The following ROBO2 variants were observed in gnomAD, a reference collection of about 807,000 sequenced individuals.
ROBO2 encodes roundabout homolog 2.
A neutral mutation model predicts 160.8 loss-of-function variants in ROBO2; 53 were observed. The observed-to-expected ratio is 0.33, with a 90% confidence interval of 0.26 to 0.41. The LOEUF (loss-of-function observed/expected upper bound fraction) is 0.41. ROBO2 is among the 10% of genes least tolerant of loss of function. The pLI, the probability that ROBO2 is intolerant of heterozygous loss-of-function variation, is 1.00. For missense variants in ROBO2, 1,577 were observed against 1,722.4 expected (o/e 0.92, Z 1.49); for synonymous variants, 664 against 611.7 (o/e 1.09, Z -1.26).
At chr3:76,512,127 A>G (rs1159059000) in intron 2 of ROBO2, among the ~76,000 whole-genome samples, 1 of 152,130 alleles carries the variant, frequency 6.6e-6, no homozygotes, top group African/African-American at 2.4e-5. Context: ...AACATTGTTA[A>G]TGAGGCAGAT....
chr3:77,394,255 T>C (rs1167827795), intron 2 of ROBO2, among the ~76,000 whole-genome samples: 3 of 152,180 alleles, frequency 2.0e-5, no homozygotes, highest in Non-Finnish European at 4.4e-5. Context: ...GATGCTTTCA[T>C]GTGAAGACCA....
intron 2 of ROBO2, among the ~76,000 whole-genome samples, chr3:76,482,167 T>G (rs1319011735): frequency 1.3e-5 from 2 of 152,202 alleles, no homozygotes; most frequent in African/African-American, 4.8e-5. Flanking sequence ...AATCACGCTC[T>G]GCAGGTATGC....
At chr3:76,647,901 G>A (rs747444426) in intron 2 of ROBO2, among the ~76,000 whole-genome samples, 2 of 152,138 alleles carry the variant, frequency 1.3e-5, no homozygotes, top group African/African-American at 2.4e-5. Context: ...GAATGAGATT[G>A]TGGATGTGTA....
chr3:76,897,575 G>GA (rs896426253), intron 2 of ROBO2, among the ~76,000 whole-genome samples: 41 of 152,068 alleles, frequency 2.7e-4, no homozygotes, highest in African/African-American at 9.9e-4. Flanking sequence ...AAGTACTAGG[G>GA]AAAAAAAGTA....
intron 2 of ROBO2, among the ~76,000 whole-genome samples, chr3:77,393,563 A>T (rs7427284): frequency 0.31 from 46,537 of 148,186 alleles, 7,569 homozygotes; most frequent in East Asian, 0.45. Flanking sequence ...TATAGTTAAT[A>T]GTATAGTATA....
chr3:76,181,744 A>T (rs902120919), intron 2 of ROBO2, among the ~76,000 whole-genome samples: 4 of 152,132 alleles, frequency 2.6e-5, no homozygotes, highest in Admixed American at 6.6e-5. Context: ...TTTGACACAG[A>T]TTAAAAATAT....
At chr3:76,106,177 G>C (rs6805627) in intron 2 of ROBO2, among the ~76,000 whole-genome samples, 19,676 of 152,088 alleles carry the variant, frequency 0.13, 1,383 homozygotes, top group African/African-American at 0.15. Context: ...AACATGTAGA[G>C]ATGCTGACAA....
At chr3:76,378,809 G>T (rs2076477243) in intron 2 of ROBO2, among the ~76,000 whole-genome samples, 1 of 152,146 alleles carries the variant, frequency 6.6e-6, no homozygotes, top group Non-Finnish European at 1.5e-5. Context: ...ACAGAATATG[G>T]AAATGCAAGA....
intron 2 of ROBO2, among the ~76,000 whole-genome samples, chr3:76,639,113 T>C (rs537107080): frequency 6.6e-6 from 1 of 152,254 alleles, no homozygotes; most frequent in South Asian, 2.1e-4. Flanking sequence ...ACAAAGGTGA[T>C]TCACTTTAAA....
intron 2 of ROBO2, among the ~76,000 whole-genome samples, chr3:76,943,320 G>C (rs572675064): frequency 8.5e-5 from 13 of 152,196 alleles, no homozygotes; most frequent in African/African-American, 3.1e-4. Flanking sequence ...CTATCTGTTA[G>C]TAGTTGTGTC....
chr3:77,499,164 C>A (rs2087190435), intron 5 of ROBO2, among the ~76,000 whole-genome samples: 1 of 152,132 alleles, frequency 6.6e-6, no homozygotes, highest in African/African-American at 2.4e-5. Context: ...AGACTTTAGG[C>A]CTTGTTCTGC....
At chr3:76,376,124 A>G (rs2076334521) in intron 2 of ROBO2, among the ~76,000 whole-genome samples, 1 of 152,122 alleles carries the variant, frequency 6.6e-6, no homozygotes. Context: ...CTATCTTCCT[A>G]AAATCTTAAT....
At chr3:76,884,988 G>GAC (rs2073732880) in intron 2 of ROBO2, among the ~76,000 whole-genome samples, 1 of 152,070 alleles carries the variant, frequency 6.6e-6, no homozygotes, top group Non-Finnish European at 1.5e-5. Context: ...AGTTGAATCA[G>GAC]ACACCTGATT....
chr3:77,479,278 C>T (rs563879773), intron 3 of ROBO2, among the ~76,000 whole-genome samples: 1 of 152,238 alleles, frequency 6.6e-6, no homozygotes, highest in South Asian at 2.1e-4. Context: ...AACAGTCTGT[C>T]CAGTAGGCAT....
chr3:77,467,462 C>A (rs1447785649), intron 2 of ROBO2, among the ~76,000 whole-genome samples: 1 of 152,040 alleles, frequency 6.6e-6, no homozygotes, highest in Non-Finnish European at 1.5e-5. Flanking sequence ...GTCTGAAGAC[C>A]CGAGGCCCAT....
At chr3:77,025,616 C>T in intron 2 of ROBO2, among the ~76,000 whole-genome samples, 1 of 152,092 alleles carries the variant, frequency 6.6e-6, no homozygotes, top group East Asian at 1.9e-4. Context: ...TGCAAACAAC[C>T]TCAAAGAATC....
At position 76,203,538 on chromosome 3, in the gene ROBO2, T is replaced by TC. The variant is rs539286338; in HGVS notation, c.109+265941dup. Among the ~76,000 whole-genome samples the TC allele has an allele frequency of 2.1e-4, 9 of 43,310 alleles. No homozygotes were observed. In the South Asian group the frequency reaches 7.3e-3, roughly 35 times the overall value. The allele number at this position is 43,310 out of a possible 152,430, so 28.4% of individuals were successfully genotyped here. ...GTGAGATTGCCTCAGGCTATCGGCT[T>TC]CCCCCATAATTTCTTCTCCTTTCTC... is the stretch of plus-strand genomic sequence containing the variant. On this transcript the variant is annotated intron_variant, in intron 2 of 26. Coordinates refer to the ROBO2 transcript ENST00000487694.
intron 2 of ROBO2, among the ~76,000 whole-genome samples, chr3:77,289,354 A>C (rs1169831345): frequency 1.3e-5 from 2 of 152,122 alleles, no homozygotes; most frequent in African/African-American, 4.8e-5. Flanking sequence ...TGACGGTTAA[A>C]CGGGTAAGCT....
chr3:75,970,167 A>G (rs554489359), intron 2 of ROBO2, among the ~76,000 whole-genome samples: 1 of 151,538 alleles, frequency 6.6e-6, no homozygotes, highest in East Asian at 2.0e-4. Flanking sequence ...TTGGCCAAGT[A>G]TCTTCTACAC....
Sources: allele counts gnomAD v4.1 joint callset (sites outside exome capture counted in the v4.1 genomes callset), GRCh38; gene constraint gnomAD v4.1.1; transcripts MANE v1.5; gene names NCBI Gene and HGNC (gene_info 2026-07-23, HGNC 2026-07-21).